The following ZIM3 variants were observed in gnomAD, a reference collection of about 807,000 sequenced individuals.
ZIM3 encodes zinc finger protein 657.
A neutral mutation model predicts 12.9 loss-of-function variants in ZIM3; 11 were observed. That is an observed-to-expected ratio of 0.85 (90% CI 0.54 to 1.41). ZIM3 has a LOEUF of 1.41. Ranked by LOEUF, ZIM3 falls within the 40% of genes most tolerant of loss-of-function variation. The pLI is 0.00. For synonymous variants in ZIM3, 205 were observed against 198.5 expected, an observed-to-expected ratio of 1.03 and a Z score of -0.28; for missense variants, 604 against 557.2, an observed-to-expected ratio of 1.08 and a Z score of -0.85.
chr19:57,139,678 G>T (rs1250447297), intron 2 of ZIM3, among the ~76,000 whole-genome samples: 2 of 152,142 alleles, frequency 1.3e-5, no homozygotes, highest in East Asian at 3.9e-4. Context: ...AGTGAGCTGA[G>T]ATCACACCAC....
At chr19:57,141,751 G>A (rs1599924033) in intron 2 of ZIM3, among the ~76,000 whole-genome samples, 1 of 151,816 alleles carries the variant, frequency 6.6e-6, no homozygotes, top group Non-Finnish European at 1.5e-5. Flanking sequence ...CAACTCAGGA[G>A]GCTGAGGAAG....
rs374275027 is a variant in ZIM3 at position 57,135,743 on chromosome 19, A to G, written c.594T>C (p.His198=). The G allele has an allele frequency of 1.2e-6, 2 of 1,614,026 alleles. No individual in the cohort carries two copies. Among genetic ancestry groups the G allele is most frequent in the Non-Finnish European group, 1.7e-6 (2 of 1,180,014 alleles). The stretch of plus-strand genomic sequence containing the variant: ...TCTCCCCGAATGCTCTTCCACAGCT[A>G]TGACATTCAAAGGGTTTTTGACAGG... ...RHACQKPFEC[H]SCGRAFGEKW... is the part of the protein sequence containing the mutation. Residue 198 remains histidine (H), a synonymous_variant, in exon 5 of 5, where the codon CAT becomes CAC. Coordinates refer to ENST00000269834, the MANE Select transcript of ZIM3 (RefSeq NM_052882.1).
chr19:57,138,072 A>G lies in ZIM3; in HGVS notation c.142+400T>C, dbSNP rs184160590. On this transcript the variant is annotated intron_variant, in intron 3 of 4. Coordinates refer to ENST00000269834, the MANE Select transcript of ZIM3 (RefSeq NM_052882.1). Reference sequence around the variant, plus strand: ...GAAGGAAAGAAGGAAGGAAGGAAGGAAGGAAAGAAGGGAGGTAGGAAGGGA... The same window carrying G: ...GAAGGAAAGAAGGAAGGAAGGAAGGGAGGAAAGAAGGGAGGTAGGAAGGGA... Among the ~76,000 whole-genome samples the G allele has an allele frequency of 5.0e-4, 49 of 97,128 alleles. 2 individuals carry two copies. In the East Asian group the frequency reaches 9.7e-3, roughly 19 times the overall value. The allele number at this position is 97,128 out of a possible 152,430, so 63.7% of individuals were successfully genotyped here.
At chr19:57,143,669 G>A (rs2086924908) in intron 1 of ZIM3, among the ~76,000 whole-genome samples, 1 of 140,866 alleles carries the variant, frequency 7.1e-6, no homozygotes, top group African/African-American at 2.6e-5. Context: ...TTGAGCCCAG[G>A]AGTTACTTTT....
In ZIM3 at chr19:57,135,159, C is replaced by T; in HGVS notation, c.1178G>A (p.Cys393Tyr). 2.5e-6 allele frequency: 4 copies of T among 1,614,196 alleles called. No individual in the cohort carries two copies. The highest frequency in any genetic ancestry group is 3.4e-6 in the Non-Finnish European group (4 of 1,180,032). Residue 393 changes from cysteine to tyrosine, a missense_variant, in exon 5 of 5, where the codon TGT becomes TAT. Coordinates refer to ENST00000269834, the MANE Select transcript of ZIM3 (RefSeq NM_052882.1). ...AAAGAAGGCTTTTCCACATCTGTTA[C>T]ATTCATAGGGCTTTTCCCCAGTATG... The part of the protein sequence containing the change: ...KIHTGEKPYE[C>Y]NRCGKAFFQK...
rs565096535 is a variant in ZIM3 at position 57,141,284 on chromosome 19, C to T, written c.15+1345G>A. Among the ~76,000 whole-genome samples the T allele has an allele frequency of 1.9e-3, 293 of 151,380 alleles. 1 individual carries two copies. Among genetic ancestry groups the T allele is most frequent in the Non-Finnish European group, 1.8e-3 (125 of 67,880 alleles). Reference sequence around the variant, plus strand: ...GGCGTGGTGGCGTGCGCCTGTAATCCCAGCTGCTCAGGAGGTTGAGGCAGG... The same window carrying T: ...GGCGTGGTGGCGTGCGCCTGTAATCTCAGCTGCTCAGGAGGTTGAGGCAGG... On this transcript the variant is annotated intron_variant, in intron 2 of 4. Coordinates refer to ENST00000269834, the MANE Select transcript of ZIM3 (RefSeq NM_052882.1).
At chr19:57,139,810 CCA>C (rs1254740636) in intron 2 of ZIM3, among the ~76,000 whole-genome samples, 7 of 152,200 alleles carry the variant, frequency 4.6e-5, no homozygotes, top group African/African-American at 1.4e-4. Context: ...AATCTATTTT[CCA>C]CAGTCGACAT....
chr19:57,142,132 C>G (rs1039849482), intron 2 of ZIM3, among the ~76,000 whole-genome samples: 1 of 142,562 alleles, frequency 7.0e-6, no homozygotes, highest in Non-Finnish European at 1.5e-5. Flanking sequence ...CTGGTGTTTC[C>G]GTAACCAAGC....
chr19:57,143,242 A>C (rs2086922076), intron 1 of ZIM3, among the ~76,000 whole-genome samples: 1 of 151,874 alleles, frequency 6.6e-6, no homozygotes, highest in Admixed American at 6.6e-5. Context: ...GAGGCAGGAG[A>C]ATGGCGGGAA....
intron 1 of ZIM3, among the ~76,000 whole-genome samples, chr19:57,143,893 CTCGA>C (rs1035194726): frequency 6.6e-6 from 1 of 152,014 alleles, no homozygotes; most frequent in African/African-American, 2.4e-5. Context: ...TCAGGCTGGT[CTCGA>C]GCTGCTGATC....
chr19:57,142,849 T>TG (rs1016212233), intron 1 of ZIM3, among the ~76,000 whole-genome samples, 164 bp from the exon 2 acceptor site: 14 of 151,970 alleles, frequency 9.2e-5, no homozygotes, highest in Middle Eastern at 6.8e-3. Context: ...TCTTTTTTTT[T>TG]TTTGTTTTGG....
rs1402021796 is a variant in ZIM3, at chr19:57,135,374, A to G, written c.963T>C (p.Asp321=). 1.2e-6 allele frequency: 2 copies of G among 1,613,842 alleles called. No homozygotes were observed. The highest frequency in any genetic ancestry group is 1.7e-5 in the Admixed American group (1 of 59,982). Residue 321 remains aspartate (D), a synonymous_variant, in exon 5 of 5, where the codon GAT becomes GAC. Coordinates refer to ENST00000269834, the MANE Select transcript of ZIM3 (RefSeq NM_052882.1). ...DCGKAFIYKS[D]LVKHQRIHTG... Reference sequence around the variant, plus strand: ...TGTGTATTCTCTGGTGTTTCACAAGATCTGACTTGTAAATGAAAGCCTTTC... The same window carrying G: ...TGTGTATTCTCTGGTGTTTCACAAGGTCTGACTTGTAAATGAAAGCCTTTC...
intron 2 of ZIM3, among the ~76,000 whole-genome samples, chr19:57,141,043 A>C (rs1011875410): frequency 7.9e-5 from 12 of 152,200 alleles, no homozygotes; most frequent in African/African-American, 2.9e-4. Context: ...TGAAACACAC[A>C]TGACACTGTT....
chr19:57,140,560 A>C (rs553280144), intron 2 of ZIM3, among the ~76,000 whole-genome samples: 1 of 151,460 alleles, frequency 6.6e-6, no homozygotes, highest in East Asian at 1.9e-4. Flanking sequence ...CTGCAGCCTC[A>C]ACCTCCCAGG....
At position 57,138,680 on chromosome 19, in the gene ZIM3, C is replaced by G. The variant is rs1391698123; in HGVS notation, c.16-82G>C. 2.6e-6 allele frequency: 4 copies of G among 1,534,638 alleles called. No individual in the cohort carries two copies. In the Admixed American group the frequency reaches 5.4e-5, roughly 21 times the overall value. On this transcript the variant is annotated intron_variant, in intron 2 of 4. Coordinates refer to ENST00000269834, the MANE Select transcript of ZIM3 (RefSeq NM_052882.1). Reference sequence around the variant, plus strand: ...ATACAGAAACTTGTTTCTGCTGAACCAAGCTTTAATCATGTCCATAATTCA... The same window carrying G: ...ATACAGAAACTTGTTTCTGCTGAACGAAGCTTTAATCATGTCCATAATTCA...
At chr19:57,138,321 C>G (rs2086899090) in intron 3 of ZIM3, 151 bp downstream of exon 3, 26 of 1,118,578 alleles carry the variant, frequency 2.3e-5, no homozygotes, top group Non-Finnish European at 3.0e-5. Flanking sequence ...GCACTTGGTA[C>G]ACTTCACTTG....
At position 57,134,388 on chromosome 19, in the gene ZIM3, T is replaced by C. The variant is rs1023560160; in HGVS notation, c.*530A>G. ...TCTACCTCCCAGGTTCAAGCAATTC[T>C]CCTGCCTCAGCCTCCCGGGTAGCTG... On this transcript the variant is annotated 3_prime_UTR_variant, in exon 5 of 5. Coordinates refer to ENST00000269834, the MANE Select transcript of ZIM3 (RefSeq NM_052882.1). 3.9e-5 allele frequency: 6 copies of C among 153,288 alleles called. No individual in the cohort carries two copies. The highest frequency in any genetic ancestry group is 1.4e-4 in the African/African-American group (6 of 41,470). 9.5% of individuals were successfully genotyped at this position (153,288 alleles called of 1,614,324 possible).
At chr19:57,139,919 A>T (rs2086906211) in intron 2 of ZIM3, among the ~76,000 whole-genome samples, 2 of 152,084 alleles carry the variant, frequency 1.3e-5, no homozygotes, top group African/African-American at 4.8e-5. Flanking sequence ...TGGCATGTCT[A>T]CCACACTCCC....
At chr19:57,139,556 T>C (rs1377900899) in intron 2 of ZIM3, among the ~76,000 whole-genome samples, 1 of 151,124 alleles carries the variant, frequency 6.6e-6, no homozygotes. Context: ...TGAAACCCCA[T>C]CTCTACTAAA....
Sources: gnomAD v4.1 joint callset for allele counts (sites outside exome capture counted in the v4.1 genomes callset) on GRCh38, gnomAD v4.1.1 for gene constraint, MANE v1.5 for transcripts, NCBI Gene and HGNC (gene_info 2026-07-23, HGNC 2026-07-21) for gene names.